The following SLC26A3 variants were observed in gnomAD, a reference collection of about 807,000 sequenced individuals.
SLC26A3 encodes chloride anion exchanger.
A neutral mutation model predicts 85.6 loss-of-function variants in SLC26A3; 64 were observed. That is an observed-to-expected ratio of 0.75 (90% CI 0.61 to 0.92). The LOEUF is 0.92. SLC26A3 is among the 40% of genes least tolerant of loss of function. SLC26A3 has a pLI of 0.00. For missense variants in SLC26A3, 922 were observed against 927.3 expected (o/e 0.99, Z 0.07); for synonymous variants, 349 against 336.0 (o/e 1.04, Z -0.42).
At chr7:107,777,856 C>G (rs1026109819) in intron 13 of SLC26A3, among the ~76,000 whole-genome samples, 3 of 152,166 alleles carry the variant, frequency 2.0e-5, no homozygotes, top group African/African-American at 7.2e-5. Context: ...AGACATTAAA[C>G]CTGCTTGGAA....
chr7:107,767,649 G>A lies in SLC26A3; in HGVS notation c.2206-5C>T. On this transcript the variant is annotated splice_polypyrimidine_tract_variant and splice_region_variant and intron_variant, in intron 19 of 20. Coordinates refer to ENST00000340010, the MANE Select transcript of SLC26A3 (RefSeq NM_000111.3). ...ATCAATTTTTCCATCTTTTTCCTGA[G>A]AAAAAGAGAATGGAAATATGGATTA... The A allele has an allele frequency of 6.2e-7, 1 of 1,609,488 alleles. No individual in the cohort carries two copies. Among genetic ancestry groups the A allele is most frequent in the Non-Finnish European group, 8.5e-7 (1 of 1,176,278 alleles).
At chr7:107,774,509 G>A (rs748844383) in intron 16 of SLC26A3, among the ~76,000 whole-genome samples, 3 of 152,142 alleles carry the variant, frequency 2.0e-5, no homozygotes, top group South Asian at 2.1e-4. Context: ...AGCTGTGATC[G>A]CACCACTGCG....
chr7:107,765,871 A>G lies in SLC26A3; in HGVS notation c.2279T>C (p.Val760Ala), dbSNP rs1793904957. The G allele has an allele frequency of 1.2e-6, 2 of 1,611,492 alleles. No individual in the cohort carries two copies. The highest frequency in any genetic ancestry group is 1.7e-6 in the Non-Finnish European group (2 of 1,177,962). The change falls in exon 21 of 21, where the codon GTT (valine) becomes GCT (alanine). Residue 760 changes from valine (V) to alanine (A), a missense_variant. Transcript: ENST00000340010. The stretch of plus-strand genomic sequence containing the variant: ...ATATGTTGATTAGAATTTTGTTTCA[A>G]CTGGCACCTGGAAGAAGACAGAAAG... Reference protein sequence around the residue: ...GLRNRVYEVPVETKF With the variant: ...GLRNRVYEVPAETKF
intron 15 of SLC26A3, 115 bp downstream of exon 15, chr7:107,776,337 C>A (rs1794114323): frequency 4.6e-6 from 4 of 869,388 alleles, no homozygotes; most frequent in Non-Finnish European, 7.7e-6. Context: ...ACTGACACAA[C>A]CCCACCTCAA....
rs527370840 is a variant in SLC26A3 at position 107,801,181 on chromosome 7, G to A, written c.-89+1930C>T. Among the ~76,000 whole-genome samples, 7 of 151,696 alleles carry A rather than the reference G, an allele frequency of 4.6e-5. No homozygotes were observed. In the South Asian group the frequency reaches 1.5e-3, roughly 31 times the overall value. ...TACAGATGAAGAAATGGAGATGAGA[G>A]AAGATAAATGACTTTCTCAACTTCC... On this transcript the variant is annotated intron_variant, in intron 1 of 20. Coordinates refer to ENST00000340010, the MANE Select transcript of SLC26A3 (RefSeq NM_000111.3).
chr7:107,785,392 G>T (rs528170484), intron 8 of SLC26A3, among the ~76,000 whole-genome samples: 4 of 152,206 alleles, frequency 2.6e-5, no homozygotes, highest in African/African-American at 9.6e-5. Context: ...ATGGTTACCC[G>T]TTGCCACACC....
intron 3 of SLC26A3, among the ~76,000 whole-genome samples, chr7:107,792,238 C>T (rs1794415063): frequency 6.6e-6 from 1 of 152,140 alleles, no homozygotes; most frequent in African/African-American, 2.4e-5. Flanking sequence ...GTAATTTTTC[C>T]ACTGACTAGG....
intron 18 of SLC26A3, among the ~76,000 whole-genome samples, chr7:107,771,225 G>A (rs1303799833): frequency 6.6e-6 from 1 of 152,138 alleles, no homozygotes; most frequent in African/African-American, 2.4e-5. Flanking sequence ...ATTGTGATAG[G>A]AAAGAAGTAT....
intron 18 of SLC26A3, among the ~76,000 whole-genome samples, chr7:107,770,010 C>CTTTCTT (rs1236260020): frequency 2.7e-5 from 1 of 36,774 alleles, no homozygotes; most frequent in Non-Finnish European, 4.7e-5. Flanking sequence ...CTCTTTCTTT[C>CTTTCTT]TTTCTTTCTT....
intron 17 of SLC26A3, 124 bp downstream of exon 17, chr7:107,773,796 C>T (rs990393113): frequency 1.3e-6 from 1 of 796,808 alleles, no homozygotes; most frequent in African/African-American, 1.7e-5. Flanking sequence ...GGTGATCCAC[C>T]CACCTCGGCC....
intron 7 of SLC26A3, 27 bp downstream of exon 7, chr7:107,787,330 T>C (rs750070671): frequency 6.9e-5 from 112 of 1,612,828 alleles, no homozygotes; most frequent in South Asian, 1.6e-4. Context: ...AGAGTAGCTA[T>C]GACAGAGTCT....
chr7:107,791,804 A>C, intron 4 of SLC26A3, 26 bp downstream of exon 4: 1 of 1,358,056 alleles, frequency 7.4e-7, no homozygotes, highest in Non-Finnish European at 1.1e-6. Context: ...CAATGTGAGC[A>C]TTAATCAGCT....
At chr7:107,801,668 T>G (rs1794600510) in intron 1 of SLC26A3, among the ~76,000 whole-genome samples, 1 of 152,194 alleles carries the variant, frequency 6.6e-6, no homozygotes, top group South Asian at 2.1e-4. Context: ...AAACATTTGT[T>G]CATTTCTTTA....
At chr7:107,774,237 A>T (rs1794074195) in intron 16 of SLC26A3, 84 bp from the exon 17 acceptor site, 2 of 1,113,826 alleles carry the variant, frequency 1.8e-6, no homozygotes, top group Non-Finnish European at 2.7e-6. Context: ...TTTCAGAAGC[A>T]CTGATTCTGA....
chr7:107,778,360 C>CAATTTT, intron 12 of SLC26A3, 79 bp from the exon 13 acceptor site: 1 of 461,452 alleles, frequency 2.2e-6, no homozygotes, highest in Admixed American at 3.4e-5. Flanking sequence ...TTTAAAAAGA[C>CAATTTT]TTTTTTTTTT....
At chr7:107,801,971 A>C (rs1244118317) in intron 1 of SLC26A3, among the ~76,000 whole-genome samples, 2 of 151,098 alleles carry the variant, frequency 1.3e-5, no homozygotes, top group African/African-American at 4.9e-5. Context: ...GCGTGCCTGT[A>C]GTATCAGCTA....
chr7:107,786,995 C>T (rs1055826783), intron 7 of SLC26A3, 86 bp from the exon 8 acceptor site: 2 of 1,120,134 alleles, frequency 1.8e-6, no homozygotes, highest in African/African-American at 1.5e-5. Context: ...CCAAAACCCA[C>T]TTCTGTACCT....
chr7:107,783,321 T>A lies in SLC26A3; in HGVS notation c.1003A>T (p.Thr335Ser). 6.2e-7 allele frequency: 1 copy of A among 1,614,140 alleles called. No homozygotes were observed. Among genetic ancestry groups the A allele is most frequent in the Non-Finnish European group, 8.5e-7 (1 of 1,180,014 alleles). Residue 335 changes from threonine (T) to serine (S), a missense_variant, in exon 9 of 21, where the codon ACT becomes TCT. Thr to Ser is a moderately conservative substitution (Grantham distance 58). Coordinates refer to ENST00000340010, the MANE Select transcript of SLC26A3 (RefSeq NM_000111.3). ...FQPPITPDVE[T>S]FQNTVGDCFG... Reference sequence around the variant, plus strand: ...CAATCTCCTACGGTGTTTTGGAAAGTCTCCACGTCAGGTGTAATAGGGGGC... The same window carrying A: ...CAATCTCCTACGGTGTTTTGGAAAGACTCCACGTCAGGTGTAATAGGGGGC...
In SLC26A3 at chr7:107,789,623, G is replaced by A. The variant is rs1411466838; in HGVS notation, c.636C>T (p.Gly212=). Residue 212 remains glycine, a synonymous_variant, in exon 6 of 21, where the codon GGC becomes GGT. Coordinates refer to ENST00000340010, the MANE Select transcript of SLC26A3 (RefSeq NM_000111.3). ...CATGAACAGCAGCAGCAGTAGTGAA[G>A]CCACTGATGAGGGACTCAGACAGGT... is the stretch of plus-strand genomic sequence containing the variant. ...VIYLSESLIS[G]FTTAAAVHVL... is the part of the protein sequence containing the mutation. 1.2e-6 allele frequency: 2 copies of A among 1,613,830 alleles called. No individual in the cohort carries two copies. Among genetic ancestry groups the A allele is most frequent in the African/African-American group, 1.3e-5 (1 of 74,914 alleles).
Sources: gnomAD v4.1 joint callset for allele counts (sites outside exome capture counted in the v4.1 genomes callset) on GRCh38, gnomAD v4.1.1 for gene constraint, MANE v1.5 for transcripts, NCBI Gene and HGNC (gene_info 2026-07-23, HGNC 2026-07-21) for gene names.